MPRIP: variants seen among roughly 807,000 people sequenced by gnomAD.
The protein encoded by MPRIP is myosin phosphatase Rho-interacting protein.
Under a neutral mutation model 234.9 loss-of-function variants are expected in MPRIP, and 59 were observed. The observed-to-expected ratio is 0.25, with a 90% CI of 0.20 to 0.31. The LOEUF (loss-of-function observed/expected upper bound fraction) is 0.31, where lower values mean the gene tolerates loss of function less well. Ranked by LOEUF, MPRIP falls within the 10% of genes least tolerant of loss-of-function variation. MPRIP has a pLI of 1.00. For synonymous variants in MPRIP, 1,144 were observed against 1,263.9 expected (o/e 0.91, Z 2.01); for missense variants, 2,436 against 3,071.0 (o/e 0.79, Z 4.89).
intron 1 of MPRIP, 111 bp downstream of exon 1, chr17:17,043,082 AGTCCTGG>A: frequency 9.3e-7 from 1 of 1,069,542 alleles, no homozygotes; most frequent in African/African-American, 1.6e-5. Flanking sequence ...GAAATGCGCG[AGTCCTGG>A]GGCATGGGGA....
chr17:17,173,783 C>G, intron 18 of MPRIP, 133 bp from the exon 19 acceptor site: 1 of 1,037,650 alleles, frequency 9.6e-7, no homozygotes, highest in Non-Finnish European at 1.5e-6. Flanking sequence ...TCTGTATGAC[C>G]CAGGCTGATT....
intron 1 of MPRIP, among the ~76,000 whole-genome samples, chr17:17,045,803 TAC>T (rs1007349502): frequency 1.4e-5 from 2 of 147,610 alleles, no homozygotes; most frequent in African/African-American, 5.2e-5. Context: ...GACCCAAATA[TAC>T]AGTTTTTTTT....
chr17:17,087,268 A>C, intron 3 of MPRIP, among the ~76,000 whole-genome samples: 1 of 152,144 alleles, frequency 6.6e-6, no homozygotes, highest in East Asian at 1.9e-4. Flanking sequence ...AGATGTGGAC[A>C]AGCAGCCGGG....
rs60701543 is a variant in MPRIP at position 17,185,751 on chromosome 17, G to GT, written c.*867dup. 2,431 of 295,218 alleles carry GT rather than the reference G, an allele frequency of 8.2e-3. No individual in the cohort carries two copies. The highest frequency in any genetic ancestry group is 0.014 in the South Asian group (484 of 35,116). The allele number at this position is 295,218 out of a possible 1,614,324, so 18.3% of individuals were successfully genotyped here. On this transcript the variant is annotated 3_prime_UTR_variant, in exon 24 of 24. Coordinates refer to ENST00000651222, the MANE Select transcript of MPRIP (RefSeq NM_001364716.4). ...AATGGGGGAAGGTTTGGGGGTTTGG[G>GT]TTTTTTTTTTACCTTTTGGAAAAGA...
Position 17,164,949 on chromosome 17 carries a change from C to T in MPRIP, c.3358C>T (p.Arg1120Cys), listed in dbSNP as rs61744979. The stretch of plus-strand genomic sequence containing the variant: ...ACAGCGGTTCCAGGAGCTGACAGAG[C>T]GCGTGGCCACGTCCGACGAGGATGT... The part of the protein sequence containing the change: ...LRQRFQELTE[R>C]VATSDEDVAE... Residue 1120 changes from arginine to cysteine, a missense_variant, in exon 16 of 24, where the codon CGC becomes TGC. Coordinates refer to ENST00000651222, the MANE Select transcript of MPRIP (RefSeq NM_001364716.4). 4.0e-5 allele frequency: 52 copies of T among 1,303,636 alleles called. No homozygotes were observed. In the South Asian group the frequency reaches 4.3e-4, roughly 11 times the overall value. The allele number at this position is 1,303,636 out of a possible 1,614,324, so 80.8% of individuals were successfully genotyped here.
intron 1 of MPRIP, among the ~76,000 whole-genome samples, chr17:17,054,052 A>G (rs2088620585): frequency 6.6e-6 from 1 of 152,284 alleles, no homozygotes; most frequent in South Asian, 2.1e-4. Context: ...GGTTATAAAA[A>G]TTAACCAAAC....
In MPRIP at chr17:17,167,212, A is replaced by G; in HGVS notation, c.5621A>G (p.Glu1874Gly). 2.3e-6 allele frequency: 3 copies of G among 1,304,046 alleles called. No homozygotes were observed. Among genetic ancestry groups the G allele is most frequent in the Non-Finnish European group, 3.0e-6 (3 of 988,922 alleles). 80.8% of individuals were successfully genotyped at this position (1,304,046 alleles called of 1,614,324 possible). The change falls in exon 16 of 24, where the codon GAG (glutamate) becomes GGG (glycine). Residue 1874 changes from glutamate to glycine, a missense_variant. Physicochemically the swap from Glu to Gly is moderately conservative, Grantham distance 98. Transcript: ENST00000651222. This position sits in a 1 kb window ranked among gnomAD's most constrained non-coding sequence, Gnocchi z 5.9. ...TGCAAGGAGTCCTGGCAAACCCGGGAGCCCTCCTGCTCAGAGCAGGCACAG... is the reference window on the plus strand; with the variant it reads ...TGCAAGGAGTCCTGGCAAACCCGGGGGCCCTCCTGCTCAGAGCAGGCACAG... ...QLCKESWQTR[E>G]PSCSEQAQAA... is the part of the protein sequence containing the mutation.
At chr17:17,085,931 C>CA (rs1169864569) in intron 3 of MPRIP, among the ~76,000 whole-genome samples, 3 of 152,176 alleles carry the variant, frequency 2.0e-5, no homozygotes, top group African/African-American at 7.2e-5. Flanking sequence ...AAGGAATACA[C>CA]ACTGACCAGA....
chr17:17,185,800 G>T lies in MPRIP; in HGVS notation c.*906G>T. ...GAAACCGTCACATTGCTTTGGAAAAGGTTGAGAGGAGACCCCTGTTAAGTC... is the reference window on the plus strand; with the variant it reads ...GAAACCGTCACATTGCTTTGGAAAATGTTGAGAGGAGACCCCTGTTAAGTC... On this transcript the variant is annotated 3_prime_UTR_variant, in exon 24 of 24. Coordinates refer to ENST00000651222, the MANE Select transcript of MPRIP (RefSeq NM_001364716.4). 2 of 336,412 alleles carry T rather than the reference G, an allele frequency of 5.9e-6. No individual in the cohort carries two copies. Among genetic ancestry groups the T allele is most frequent in the Non-Finnish European group, 1.2e-5 (2 of 172,820 alleles). 20.8% of individuals were successfully genotyped at this position (336,412 alleles called of 1,614,324 possible).
Position 17,143,659 on chromosome 17 carries a change from C to T in MPRIP, c.1493C>T (p.Pro498Leu). ...AKSLDRRSTE[P>L]SVTPDLLNFK... ...TCACTGGACAGGAGGTCCACGGAGC[C>T]CTCCGTGACGGTGAGCCCAGGCGCC... is the stretch of plus-strand genomic sequence containing the variant. Residue 498 changes from proline to leucine, a missense_variant, in exon 9 of 24, where the codon CCC (proline) becomes CTC (leucine). By Grantham distance (98) the Pro-to-Leu change is moderately conservative. Transcript: ENST00000651222. 1.2e-6 allele frequency: 2 copies of T among 1,602,646 alleles called. No individual in the cohort carries two copies. The highest frequency in any genetic ancestry group is 1.7e-6 in the Non-Finnish European group (2 of 1,174,458).
intron 1 of MPRIP, among the ~76,000 whole-genome samples, chr17:17,044,156 A>G (rs1204695453): frequency 7.2e-5 from 11 of 152,208 alleles, no homozygotes; most frequent in Admixed American, 7.2e-4. Context: ...GATTCCTTTC[A>G]TCTAAACCCC....
chr17:17,070,661 ATTTC>A (rs996293279), intron 1 of MPRIP, among the ~76,000 whole-genome samples: 1 of 152,038 alleles, frequency 6.6e-6, no homozygotes, highest in African/African-American at 2.4e-5. Context: ...TGTGCTCATA[ATTTC>A]TTGTTGAAGC....
chr17:17,055,991 G>C (rs2088683975), intron 1 of MPRIP, among the ~76,000 whole-genome samples: 1 of 152,350 alleles, frequency 6.6e-6, no homozygotes, highest in Middle Eastern at 3.4e-3. Context: ...TGGTGGCAAA[G>C]CCGGGAGGAA....
At chr17:17,112,863 T>C (rs2090201250) in intron 3 of MPRIP, among the ~76,000 whole-genome samples, 1 of 152,172 alleles carries the variant, frequency 6.6e-6, no homozygotes, top group Non-Finnish European at 1.5e-5. Flanking sequence ...ACGCGGGCCT[T>C]GGGAGAGGCT....
At chr17:17,111,895 C>T (rs988503207) in intron 3 of MPRIP, among the ~76,000 whole-genome samples, 1 of 152,164 alleles carries the variant, frequency 6.6e-6, no homozygotes, top group Non-Finnish European at 1.5e-5. Context: ...CGAGGCCCTT[C>T]CCCACATGCT....
intron 1 of MPRIP, among the ~76,000 whole-genome samples, chr17:17,048,079 A>G (rs1019802555): frequency 2.0e-5 from 3 of 150,832 alleles, no homozygotes; most frequent in Admixed American, 6.6e-5. Flanking sequence ...CTGACTGTGT[A>G]ACTTCAGGCA....
At position 17,172,682 on chromosome 17, in the gene MPRIP, G is replaced by A. The variant is rs775362382; in HGVS notation, c.6473-16G>A. ...GGCGTGGTCCCTCGGTGCTGAGGCC[G>A]TGTCCTTGCCTGCAGCCATCGAAGC... On this transcript the variant is annotated splice_polypyrimidine_tract_variant and intron_variant, in intron 17 of 23. Transcript: ENST00000651222. 1.4e-5 allele frequency: 22 copies of A among 1,604,160 alleles called. No homozygotes were observed. The Middle Eastern group carries it at 1.6e-3, about 114-fold the overall frequency.
chr17:17,095,770 T>C (rs1203104710), intron 3 of MPRIP, among the ~76,000 whole-genome samples: 1 of 152,118 alleles, frequency 6.6e-6, no homozygotes, highest in Non-Finnish European at 1.5e-5. Context: ...GTTCTCCTGC[T>C]CTCAGCCCTG....
chr17:17,140,875 G>A (rs1320536519), intron 7 of MPRIP, among the ~76,000 whole-genome samples: 1 of 152,122 alleles, frequency 6.6e-6, no homozygotes, highest in African/African-American at 2.4e-5. Context: ...TAGTGCCCTG[G>A]GAACCCTGGA....
Sources: gnomAD v4.1 joint callset for allele counts (sites outside exome capture counted in the v4.1 genomes callset) on GRCh38, gnomAD v4.1.1 for gene constraint, Gnocchi (gnomAD v3.1) non-coding constraint, MANE v1.5 for transcripts, NCBI Gene and HGNC (gene_info 2026-07-23, HGNC 2026-07-21) for gene names.